Variants in TTC27 observed in about 807,000 individuals in gnomAD.
The protein encoded by TTC27 is tetratricopeptide repeat domain 27, also known as tetratricopeptide repeat protein 27.
Under a neutral mutation model 115.9 loss-of-function variants are expected in TTC27, and 79 were observed. The ratio of observed to expected loss-of-function variants is 0.68; its 90% CI spans 0.57 to 0.82. The LOEUF is 0.82. TTC27 is among the 40% of genes least tolerant of loss of function. The pLI, the probability that TTC27 is intolerant of heterozygous loss-of-function variation, is 0.00. For missense variants in TTC27, 1,054 were observed against 993.1 expected, an observed-to-expected ratio of 1.06 and a Z score of -0.82; for synonymous variants, 401 against 356.0, an observed-to-expected ratio of 1.13 and a Z score of -1.42.
intron 12 of TTC27, among the ~76,000 whole-genome samples, chr2:32,755,304 A>G (rs1337455393): frequency 1.3e-5 from 2 of 152,168 alleles, no homozygotes; most frequent in Non-Finnish European, 2.9e-5. Context: ...TTGAGCACTG[A>G]GTGAATGAGA....
At chr2:32,799,133 C>CA (rs796444260) in intron 16 of TTC27, among the ~76,000 whole-genome samples, 3 of 151,938 alleles carry the variant, frequency 2.0e-5, no homozygotes, top group South Asian at 2.1e-4. Context: ...AAACCAGTCA[C>CA]AAAAAAACAA....
At chr2:32,694,184 T>C (rs1666907047) in intron 9 of TTC27, among the ~76,000 whole-genome samples, 1 of 152,206 alleles carries the variant, frequency 6.6e-6, no homozygotes, top group Non-Finnish European at 1.5e-5. Flanking sequence ...GTATGAATTA[T>C]TGGAATAAAA....
chr2:32,678,759 A>G (rs1466774593), intron 8 of TTC27, 97 bp from the exon 9 acceptor site: 5 of 849,234 alleles, frequency 5.9e-6, no homozygotes, highest in East Asian at 5.6e-5. Flanking sequence ...TTTCAAATAT[A>G]TAAAATATAG....
chr2:32,635,996 A>T (rs185108710), intron 3 of TTC27, among the ~76,000 whole-genome samples: 1 of 152,170 alleles, frequency 6.6e-6, no homozygotes, highest in Non-Finnish European at 1.5e-5. Flanking sequence ...AAATGGGAGT[A>T]AAAAAACCCC....
chr2:32,745,958 C>T (rs966464130), intron 12 of TTC27, among the ~76,000 whole-genome samples: 48 of 152,150 alleles, frequency 3.2e-4, no homozygotes, highest in African/African-American at 8.4e-4. Flanking sequence ...CATGTTACTC[C>T]GGTTATAATT....
At chr2:32,798,101 T>TA (rs1324950541) in intron 16 of TTC27, among the ~76,000 whole-genome samples, 2 of 81,700 alleles carry the variant, frequency 2.4e-5, no homozygotes, top group African/African-American at 1.5e-4. Flanking sequence ...AGAAAAAAAA[T>TA]TAAAAAAAAA....
chr2:32,781,339 CT>C (rs1277517742), intron 14 of TTC27, among the ~76,000 whole-genome samples: 6 of 151,946 alleles, frequency 3.9e-5, no homozygotes, highest in African/African-American at 1.4e-4. Flanking sequence ...ATTTCAACGT[CT>C]CTTTCATTTC....
At chr2:32,678,971 A>G (rs1029829030) in intron 9 of TTC27, 49 bp downstream of exon 9, 2 of 1,503,670 alleles carry the variant, frequency 1.3e-6, no homozygotes, top group African/African-American at 2.8e-5. Context: ...CTGGTAAATT[A>G]CTTCCTCTGG....
At position 32,781,612 on chromosome 2, in the gene TTC27, T is replaced by A. The variant is rs551198787; in HGVS notation, c.1780-1014T>A. Among the ~76,000 whole-genome samples, 19 of 148,090 alleles carry A rather than the reference T, an allele frequency of 1.3e-4. No homozygotes were observed. The East Asian group carries it at 2.2e-3, about 17-fold the overall frequency. ...TTGTCCTTATTTTCTCATAACTCTT[T>A]AAAAAAAAAAATCAATGGAGATGGA... is the stretch of plus-strand genomic sequence containing the variant. On this transcript the variant is annotated intron_variant, in intron 14 of 19. Transcript: ENST00000317907.
At chr2:32,745,026 A>T (rs1196450210) in intron 12 of TTC27, among the ~76,000 whole-genome samples, 1 of 127,868 alleles carries the variant, frequency 7.8e-6, no homozygotes, top group Non-Finnish European at 1.6e-5. Context: ...CCAGCCTGCC[A>T]GCCTGGGCAA....
chr2:32,796,533 G>A (rs1670708738), intron 16 of TTC27, among the ~76,000 whole-genome samples: 1 of 152,144 alleles, frequency 6.6e-6, no homozygotes. Flanking sequence ...TGCCAACAAA[G>A]TGGATAACCT....
At chr2:32,761,935 AT>A (rs1272854604) in intron 13 of TTC27, among the ~76,000 whole-genome samples, 1 of 152,228 alleles carries the variant, frequency 6.6e-6, no homozygotes, top group Non-Finnish European at 1.5e-5. Context: ...AGTCAAATAT[AT>A]ACTAATTGTC....
intron 10 of TTC27, among the ~76,000 whole-genome samples, chr2:32,717,055 G>C (rs1384703534): frequency 6.6e-6 from 1 of 150,880 alleles, no homozygotes; most frequent in African/African-American, 2.4e-5. Context: ...CCAGGCTGGA[G>C]TGCAGTGGCA....
intron 16 of TTC27, among the ~76,000 whole-genome samples, chr2:32,810,479 G>C (rs1671283616): frequency 6.6e-6 from 1 of 152,194 alleles, no homozygotes; most frequent in Non-Finnish European, 1.5e-5. Flanking sequence ...AGATAATCTA[G>C]GTTGATGCTC....
chr2:32,672,424 A>T, intron 8 of TTC27, 40 bp downstream of exon 8: 2 of 1,421,754 alleles, frequency 1.4e-6, no homozygotes, highest in Non-Finnish European at 2.0e-6. Context: ...AACACTTTGC[A>T]TATTGATTCT....
intron 5 of TTC27, among the ~76,000 whole-genome samples, chr2:32,662,572 T>C (rs996751054): frequency 6.6e-6 from 1 of 152,222 alleles, no homozygotes; most frequent in African/African-American, 2.4e-5. Context: ...TTTTATAGTA[T>C]TCTCTGATGG....
At chr2:32,685,512 C>T (rs1045716906) in intron 9 of TTC27, among the ~76,000 whole-genome samples, 5 of 151,958 alleles carry the variant, frequency 3.3e-5, no homozygotes, top group African/African-American at 1.2e-4. Flanking sequence ...ATATATGAAA[C>T]AGTAATGTAT....
intron 14 of TTC27, among the ~76,000 whole-genome samples, chr2:32,778,521 C>G (rs1670072660): frequency 6.6e-6 from 1 of 152,204 alleles, no homozygotes; most frequent in Non-Finnish European, 1.5e-5. Flanking sequence ...CCCTTCAGCC[C>G]TAGGCAAACA....
chr2:32,809,434 C>T (rs1671241932), intron 16 of TTC27, among the ~76,000 whole-genome samples: 1 of 152,230 alleles, frequency 6.6e-6, no homozygotes, highest in African/African-American at 2.4e-5. Context: ...TGGAGCCTTG[C>T]TTCTCGAAGT....
Sources: gnomAD v4.1 joint callset for allele counts (sites outside exome capture counted in the v4.1 genomes callset) on GRCh38, gnomAD v4.1.1 for gene constraint, MANE v1.5 for transcripts, NCBI Gene and HGNC (gene_info 2026-07-23, HGNC 2026-07-21) for gene names.